COPE: variants seen among roughly 807,000 people sequenced by gnomAD.
COPE encodes the protein coat protein complex I subunit epsilon.
COPE carries 19 observed loss-of-function variants against 42.1 expected under a neutral mutation model. The ratio of observed to expected loss-of-function variants is 0.45; its 90% CI spans 0.31 to 0.66. The LOEUF (loss-of-function observed/expected upper bound fraction) is 0.66. Among genes scored for constraint, COPE ranks in the 30% least tolerant of loss-of-function variants. The pLI, the probability that COPE is intolerant of heterozygous loss-of-function variation, is 0.05. For synonymous variants in COPE, 195 were observed against 181.3 expected (o/e 1.08, Z -0.60); for missense variants, 402 against 416.1 (o/e 0.97, Z 0.30).
At chr19:18,912,805 C>T (rs952776690) in intron 2 of COPE, among the ~76,000 whole-genome samples, 179 bp downstream of exon 2, 3 of 151,858 alleles carry the variant, frequency 2.0e-5, no homozygotes, top group Admixed American at 1.3e-4. Context: ...CTCAGGCCTC[C>T]GTGACACAGC....
Position 18,899,693 on chromosome 19 carries a change from CG to C in COPE, c.912del (p.Tyr304Ter), listed in dbSNP as rs757311091. On this transcript the variant is annotated frameshift_variant, in exon 10 of 10. Coordinates refer to ENST00000262812, the MANE Select transcript of COPE (RefSeq NM_007263.4). LOFTEE classifies it high-confidence loss of function. ...ENDFDRLVLQ[Y>X]APSA ...CTGGGCCAGCCTCAGGCGCTGGGAGCGTACTGTAGCACCAGCCTGTCAAAGT... is the reference window on the plus strand; with the variant it reads ...CTGGGCCAGCCTCAGGCGCTGGGAGCTACTGTAGCACCAGCCTGTCAAAGT... The C allele has an allele frequency of 6.2e-7, 1 of 1,613,534 alleles. No homozygotes were observed. The highest frequency in any genetic ancestry group is 8.5e-7 in the Non-Finnish European group (1 of 1,179,958).
intron 6 of COPE, among the ~76,000 whole-genome samples, chr19:18,904,001 T>G (rs2056734288): frequency 6.6e-6 from 1 of 152,212 alleles, no homozygotes; most frequent in Non-Finnish European, 1.5e-5. Flanking sequence ...GTTTCACTCT[T>G]GTTGCTCAGG....
At chr19:18,913,137 G>A in intron 1 of COPE, 91 bp from the exon 2 acceptor site, 3 of 1,158,876 alleles carry the variant, frequency 2.6e-6, no homozygotes, top group Non-Finnish European at 3.8e-6. Flanking sequence ...CTGTACACTG[G>A]GGACAGGTGG....
Position 18,899,600 on chromosome 19 carries a change from G to A in COPE, c.*79C>T. The A allele has an allele frequency of 2.0e-6, 3 of 1,515,162 alleles. No individual in the cohort carries two copies. The highest frequency in any genetic ancestry group is 2.7e-6 in the Non-Finnish European group (3 of 1,093,806). The allele number at this position is 1,515,162 out of a possible 1,614,324, so 93.9% of individuals were successfully genotyped here. ...CCTGCCCCCAGAGGGGATGCAGGTG[G>A]ATGCCGGGTGGGGAGGGCTGCAGGG... On this transcript the variant is annotated 3_prime_UTR_variant, in exon 10 of 10. Transcript: ENST00000262812.
chr19:18,918,944 A>G (rs1333128590), intron 1 of COPE, among the ~76,000 whole-genome samples: 1 of 152,252 alleles, frequency 6.6e-6, no homozygotes, highest in Non-Finnish European at 1.5e-5. Context: ...GCTGAACAAA[A>G]TAGGCTTATT....
rs781270609 is a variant in COPE, at chr19:18,905,624, G to A, written c.449C>T (p.Ala150Val). The A allele has an allele frequency of 6.3e-7, 1 of 1,593,062 alleles. No individual in the cohort carries two copies. Among genetic ancestry groups the A allele is most frequent in the Middle Eastern group, 1.7e-4 (1 of 6,022 alleles). Reference protein sequence around the residue: ...LHQGDSLECTAMTVQILLKLD... With the variant: ...LHQGDSLECTVMTVQILLKLD... Reference sequence around the variant, plus strand: ...CTTCAGCAGGATCTGCACTGTCATGGCTGTGCTGCAGGACAGGGCGAGGGG... The same window carrying A: ...CTTCAGCAGGATCTGCACTGTCATGACTGTGCTGCAGGACAGGGCGAGGGG... The change falls in exon 5 of 10, where the codon GCC (alanine) becomes GTC (valine). Residue 150 changes from alanine (A) to valine (V), a missense_variant. Transcript: ENST00000262812.
intron 3 of COPE, among the ~76,000 whole-genome samples, chr19:18,909,365 G>A (rs536581564): frequency 4.6e-5 from 7 of 152,326 alleles, no homozygotes; most frequent in African/African-American, 7.2e-5. Context: ...TCAAGGTGGC[G>A]GCAGGGCTGG....
intron 7 of COPE, among the ~76,000 whole-genome samples, chr19:18,902,389 G>C (rs922985830): frequency 6.6e-6 from 1 of 151,314 alleles, no homozygotes; most frequent in Non-Finnish European, 1.5e-5. Context: ...AGATGGCCAG[G>C]CGTGGTGGCT....
intron 1 of COPE, among the ~76,000 whole-genome samples, chr19:18,915,265 G>A (rs1250761240): frequency 1.3e-5 from 2 of 152,202 alleles, no homozygotes. Flanking sequence ...TCAAAGTGAG[G>A]ACACAGTGGG....
At chr19:18,908,677 C>G (rs935659777) in intron 3 of COPE, among the ~76,000 whole-genome samples, 1 of 151,772 alleles carries the variant, frequency 6.6e-6, no homozygotes, top group African/African-American at 2.4e-5. Flanking sequence ...CCACCATGCC[C>G]GGCTAATTTT....
At chr19:18,901,364 G>A (rs969948675) in intron 7 of COPE, among the ~76,000 whole-genome samples, 28 of 152,270 alleles carry the variant, frequency 1.8e-4, no homozygotes, top group African/African-American at 6.8e-4. Flanking sequence ...GGAGGGGCAG[G>A]GTGGTGGAGG....
chr19:18,906,788 G>T, intron 4 of COPE, 172 bp downstream of exon 4: 1 of 692,738 alleles, frequency 1.4e-6, no homozygotes, highest in Non-Finnish European at 2.3e-6. Flanking sequence ...AGATGGGAGT[G>T]CCTCCCACAC....
chr19:18,900,565 G>A (rs2056689394), intron 7 of COPE, 116 bp from the exon 8 acceptor site: 1 of 728,070 alleles, frequency 1.4e-6, no homozygotes, highest in Non-Finnish European at 2.3e-6. Context: ...GGTGGGGTGG[G>A]ACTGACACCG....
At chr19:18,908,194 G>C (rs1302528405) in intron 3 of COPE, among the ~76,000 whole-genome samples, 1 of 152,150 alleles carries the variant, frequency 6.6e-6, no homozygotes, top group Admixed American at 6.5e-5. Context: ...CGCTTTGGGA[G>C]GCCAAGGCAG....
chr19:18,911,436 C>T (rs897869096), intron 2 of COPE: 24 of 243,602 alleles, frequency 9.9e-5, no homozygotes, highest in African/African-American at 4.4e-5. Context: ...GCAGGACATG[C>T]CCCCAGCCAG....
chr19:18,919,169 G>C, intron 1 of COPE, 54 bp downstream of exon 1: 1 of 1,563,956 alleles, frequency 6.4e-7, no homozygotes, highest in Admixed American at 2.0e-5. Context: ...GCGGCCACCA[G>C]AAAGCGTCCT....
intron 4 of COPE, chr19:18,905,914 G>A: frequency 1.9e-6 from 1 of 529,288 alleles, no homozygotes; most frequent in Non-Finnish European, 3.3e-6. Flanking sequence ...CCAGATGGAG[G>A]GCCCTGCCCG....
chr19:18,907,188 G>A, intron 3 of COPE, 76 bp from the exon 4 acceptor site: 1 of 1,520,566 alleles, frequency 6.6e-7, no homozygotes, highest in Non-Finnish European at 8.9e-7. Context: ...TTCCTTGGAA[G>A]CAGACAGGTC....
At chr19:18,907,230 G>A in intron 3 of COPE, 118 bp from the exon 4 acceptor site, 5 of 1,094,058 alleles carry the variant, frequency 4.6e-6, no homozygotes, top group Non-Finnish European at 6.4e-6. Context: ...TGGGGGTGCA[G>A]AGCAGCAGCA....
Sources: gnomAD v4.1 joint callset for allele counts (sites outside exome capture counted in the v4.1 genomes callset) on GRCh38, gnomAD v4.1.1 for gene constraint, MANE v1.5 for transcripts, NCBI Gene and HGNC (gene_info 2026-07-23, HGNC 2026-07-21) for gene names.